The following AKAP13 variants were observed in gnomAD, a reference collection of about 807,000 sequenced individuals.
AKAP13 encodes A-kinase anchor protein 13.
Under a neutral mutation model 264.5 loss-of-function variants are expected in AKAP13, and 80 were observed. That is an observed-to-expected ratio of 0.30 (90% CI 0.25 to 0.36). The LOEUF is 0.36. AKAP13 is among the 10% of genes least tolerant of loss of function. The pLI is 1.00. For missense variants in AKAP13, 3,712 were observed against 3,435.2 expected (o/e 1.08, Z -2.01); for synonymous variants, 1,380 against 1,250.2 (o/e 1.10, Z -2.19).
At chr15:85,506,620 T>TA (rs972172094) in intron 2 of AKAP13, among the ~76,000 whole-genome samples, 2 of 152,094 alleles carry the variant, frequency 1.3e-5, no homozygotes, top group Non-Finnish European at 2.9e-5. Flanking sequence ...GCAAGATAGA[T>TA]AAGGAGAGTT....
At chr15:85,458,033 T>C (rs1365745788) in intron 1 of AKAP13, among the ~76,000 whole-genome samples, 1 of 151,072 alleles carries the variant, frequency 6.6e-6, no homozygotes, top group Non-Finnish European at 1.5e-5. Flanking sequence ...CCACCTACTC[T>C]AGAGGCTGAG....
At chr15:85,741,618 G>A (rs576316124) in intron 35 of AKAP13, 123 bp downstream of exon 35, 13 of 1,377,604 alleles carry the variant, frequency 9.4e-6, no homozygotes, top group Non-Finnish European at 1.1e-5. Flanking sequence ...GCTCATGCCT[G>A]TGATCCCAGC....
chr15:85,545,297 C>T (rs563775308), intron 5 of AKAP13, among the ~76,000 whole-genome samples: 1 of 152,318 alleles, frequency 6.6e-6, no homozygotes, highest in South Asian at 2.1e-4. Context: ...TTGTGAAGTT[C>T]AAATGCATTT....
intron 27 of AKAP13, 197 bp from the exon 28 acceptor site, chr15:85,726,869 A>G: frequency 1.6e-6 from 1 of 623,572 alleles, no homozygotes. Context: ...GCCATAAATT[A>G]CTATTTCCCT....
intron 1 of AKAP13, among the ~76,000 whole-genome samples, chr15:85,388,419 C>T (rs1315053882): frequency 6.6e-6 from 1 of 152,128 alleles, no homozygotes; most frequent in African/African-American, 2.4e-5. Context: ...TACAAGTGGA[C>T]ATCCTTTCCT....
rs77585931 is a variant in AKAP13, at chr15:85,728,618, G to A, written c.7087+1155G>A. On this transcript the variant is annotated intron_variant, in intron 29 of 36. Transcript: ENST00000394518. ...GGCACAATTAGCATGTGTGGGATCT[G>A]CTCATCCTGCCTCTAGTAAGTCTCA... is the stretch of plus-strand genomic sequence containing the variant. Among the ~76,000 whole-genome samples the A allele has an allele frequency of 0.011, 1,667 of 152,246 alleles. 38 individuals carry two copies. In the South Asian group the frequency reaches 0.11, roughly 10 times the overall value.
At chr15:85,643,732 A>G (rs566003812) in intron 9 of AKAP13, among the ~76,000 whole-genome samples, 4 of 152,274 alleles carry the variant, frequency 2.6e-5, no homozygotes, top group African/African-American at 9.6e-5. Context: ...TGTAGCTCAC[A>G]CTCACTGGTC....
At chr15:85,473,775 C>G (rs2075051613) in intron 1 of AKAP13, among the ~76,000 whole-genome samples, 1 of 152,176 alleles carries the variant, frequency 6.6e-6, no homozygotes, top group Non-Finnish European at 1.5e-5. Context: ...CCTCCCTCCT[C>G]TGTAGAAAAC....
At position 85,735,032 on chromosome 15, in the gene AKAP13, C is replaced by CT; in HGVS notation, c.7323_7324insT (p.Thr2442TyrfsTer11). 6.2e-7 allele frequency: 1 copy of CT among 1,614,194 alleles called. No homozygotes were observed. Among genetic ancestry groups the CT allele is most frequent in the Non-Finnish European group, 8.5e-7 (1 of 1,180,022 alleles). On this transcript the variant is annotated frameshift_variant, in exon 31 of 37. Coordinates refer to ENST00000394518, the MANE Select transcript of AKAP13 (RefSeq NM_007200.5). LOFTEE classifies it high-confidence loss of function. ...GTTTGGTGAGTGGAAATCTGGGAGG[C>CT]ACACTTGGGCCGACTGTCAGCAGCC...
chr15:85,490,052 T>C (rs2075680441), intron 2 of AKAP13, among the ~76,000 whole-genome samples: 1 of 152,188 alleles, frequency 6.6e-6, no homozygotes, highest in Non-Finnish European at 1.5e-5. Flanking sequence ...AAAGTAATGA[T>C]TATTGCCAGA....
At chr15:85,459,038 A>T (rs1402774876) in intron 1 of AKAP13, among the ~76,000 whole-genome samples, 2 of 152,238 alleles carry the variant, frequency 1.3e-5, no homozygotes, top group Non-Finnish European at 2.9e-5. Flanking sequence ...TCCCAAATCT[A>T]CAGCTCTAAC....
chr15:85,390,542 G>T (rs1017212199), intron 1 of AKAP13, among the ~76,000 whole-genome samples: 1 of 149,990 alleles, frequency 6.7e-6, no homozygotes, highest in Admixed American at 6.7e-5. Flanking sequence ...GGTATGGTGG[G>T]AAACAGCTGA....
rs113212314 is a variant in AKAP13, at chr15:85,718,844, G to A, written c.6002-232G>A. On this transcript the variant is annotated intron_variant, in intron 22 of 36. Coordinates refer to ENST00000394518, the MANE Select transcript of AKAP13 (RefSeq NM_007200.5). The surrounding 1 kb of genome is among the most constrained non-coding windows in gnomAD (Gnocchi z 4.9). The stretch of plus-strand genomic sequence containing the variant: ...GAGCCCAGGAGGTTGAGGCTGCAAT[G>A]AGCCATGACTTCAGCCTGCACTTCA... 4.0e-6 allele frequency: 2 copies of A among 495,782 alleles called. No homozygotes were observed. The highest frequency in any genetic ancestry group is 1.9e-5 in the African/African-American group (1 of 51,376). The allele number at this position is 495,782 out of a possible 1,614,324, so 30.7% of individuals were successfully genotyped here.
intron 1 of AKAP13, among the ~76,000 whole-genome samples, chr15:85,464,388 T>G (rs1398560028): frequency 1.3e-5 from 2 of 152,224 alleles, no homozygotes; most frequent in African/African-American, 2.4e-5. Flanking sequence ...AAACAAGTTC[T>G]TTGAGCCCTA....
At chr15:85,494,593 G>A (rs1177343733) in intron 2 of AKAP13, among the ~76,000 whole-genome samples, 6 of 152,146 alleles carry the variant, frequency 3.9e-5, no homozygotes, top group African/African-American at 1.4e-4. Flanking sequence ...GACTGGTGAC[G>A]AATTTGATGA....
intron 1 of AKAP13, among the ~76,000 whole-genome samples, chr15:85,437,034 G>T (rs1399069832): frequency 6.8e-6 from 1 of 147,032 alleles, no homozygotes; most frequent in Non-Finnish European, 1.5e-5. Flanking sequence ...TCCAGGAGCT[G>T]GTTTTTTGAA....
rs11332236 is a variant in AKAP13 at position 85,657,710 on chromosome 15, C to CTTT, written c.4746-810_4746-808dup. ...TTCCCAGTTTTGCTCGTGGTGTACT[C>CTTT]TTTTTTTTTTTTTTTTTTTAAGCAT... is the stretch of plus-strand genomic sequence containing the variant. On this transcript the variant is annotated intron_variant, in intron 11 of 36. Coordinates refer to ENST00000394518, the MANE Select transcript of AKAP13 (RefSeq NM_007200.5). 1.7e-3 allele frequency among the ~76,000 whole-genome samples: 212 copies of CTTT among 127,524 alleles called. 1 individual carries two copies. Among genetic ancestry groups the CTTT allele is most frequent in the African/African-American group, 2.7e-3 (99 of 36,014 alleles). 83.7% of individuals were successfully genotyped at this position (127,524 alleles called of 152,430 possible). A position where few individuals can be genotyped will look rare whatever the true frequency, so the allele number is the denominator to read the frequency against.
chr15:85,570,096 C>A lies in AKAP13; in HGVS notation c.663-5035C>A, dbSNP rs981185390. Among the ~76,000 whole-genome samples the A allele has an allele frequency of 8.4e-4, 75 of 88,806 alleles. 1 individual carries two copies. Among genetic ancestry groups the A allele is most frequent in the Admixed American group, 6.5e-3 (57 of 8,764 alleles). The allele number at this position is 88,806 out of a possible 152,430, so 58.3% of individuals were successfully genotyped here. On this transcript the variant is annotated intron_variant, in intron 5 of 36. Transcript: ENST00000394518. ...GTCTCAAAAAAAAAAAAAAAAAAAA[C>A]CACTGGATTTTGATATTTACTTATC...
At chr15:85,398,421 G>C (rs1179156380) in intron 1 of AKAP13, among the ~76,000 whole-genome samples, 2 of 152,214 alleles carry the variant, frequency 1.3e-5, no homozygotes, top group East Asian at 3.9e-4. Context: ...TTCCAAACTT[G>C]AAAACTTGTA....
Sources: gnomAD v4.1 joint callset for allele counts (sites outside exome capture counted in the v4.1 genomes callset) on GRCh38, gnomAD v4.1.1 for gene constraint, Gnocchi (gnomAD v3.1) non-coding constraint, MANE v1.5 for transcripts, NCBI Gene and HGNC (gene_info 2026-07-23, HGNC 2026-07-21) for gene names.